Variants in DERL1 observed in about 807,000 individuals in gnomAD.
DERL1 encodes the protein derlin 1.
DERL1 carries 24 observed loss-of-function variants against 41.6 expected under a neutral mutation model. The observed-to-expected ratio is 0.58, with a 90% CI of 0.42 to 0.81. The LOEUF is 0.81. DERL1 is among the 30% of genes least tolerant of loss of function. The pLI is 0.00. For synonymous variants in DERL1, 124 were observed against 112.5 expected (o/e 1.10, Z -0.65); for missense variants, 260 against 314.3 (o/e 0.83, Z 1.31).
At chr8:123,022,813 C>A in intron 4 of DERL1, 34 bp from the exon 5 acceptor site, 1 of 1,587,952 alleles carries the variant, frequency 6.3e-7, no homozygotes, top group Non-Finnish European at 8.6e-7. Context: ...AAACCAGGCT[C>A]CAGAGGCACT....
chr8:123,030,160 G>A (rs538813560), intron 2 of DERL1: 2 of 153,558 alleles, frequency 1.3e-5, no homozygotes, highest in South Asian at 4.1e-4. Context: ...TTTTAGAGTT[G>A]AGTTTTTCAA....
At chr8:123,041,674 C>T (rs76168261) in intron 1 of DERL1, among the ~76,000 whole-genome samples, 2,623 of 152,334 alleles carry the variant, frequency 0.017, 69 homozygotes, top group African/African-American at 0.06. Context: ...TGACAACTAC[C>T]AACGACTAAT....
intron 1 of DERL1, among the ~76,000 whole-genome samples, chr8:123,035,706 G>C (rs1586469931): frequency 6.6e-6 from 1 of 152,208 alleles, no homozygotes; most frequent in East Asian, 1.9e-4. Context: ...TAGCCCATGT[G>C]CTCACTGCTA....
chr8:123,022,535 C>G (rs1812584744), intron 5 of DERL1, 149 bp downstream of exon 5: 1 of 671,896 alleles, frequency 1.5e-6, no homozygotes. Context: ...TTAAATAGAG[C>G]TGGGATTGAG....
rs369452020 is a variant in DERL1 at position 123,042,017 on chromosome 8, G to C, written c.106C>G (p.Pro36Ala). 6.2e-6 allele frequency: 10 copies of C among 1,613,970 alleles called. No homozygotes were observed. Among genetic ancestry groups the C allele is most frequent in the Admixed American group, 1.7e-5 (1 of 60,020 alleles). Residue 36 changes from proline (P) to alanine (A), a missense_variant, in exon 1 of 8, where the codon CCG becomes GCG. Transcript: ENST00000259512. ...PLVGKLGLIS[P>A]AYLFLWPEAF... ...TCGGGCCAGAGGAAGAGGTAGGCCGGGCTGATGAGGCCGAGTTTGCCGACC... is the reference window on the plus strand; with the variant it reads ...TCGGGCCAGAGGAAGAGGTAGGCCGCGCTGATGAGGCCGAGTTTGCCGACC...
At chr8:123,040,550 G>GA (rs1012738267) in intron 1 of DERL1, among the ~76,000 whole-genome samples, 2 of 152,136 alleles carry the variant, frequency 1.3e-5, no homozygotes, top group African/African-American at 4.8e-5. Flanking sequence ...GAAAGGACTT[G>GA]GATTTTACTC....
Position 123,015,539 on chromosome 8 carries a change from C to A in DERL1, c.664G>T (p.Val222Leu), listed in dbSNP as rs1198249688. 2 of 1,612,534 alleles carry A rather than the reference C, an allele frequency of 1.2e-6. No individual in the cohort carries two copies. Among genetic ancestry groups the A allele is most frequent in the Non-Finnish European group, 1.7e-6 (2 of 1,179,422 alleles). ...GCTCGCCTCATGCTAGCAGGGGGCA[C>A]ACCAAATCCTGATACTCCTCCTCTC... ...SRRGGVSGFG[V>L]PPASMRRAAD... The change falls in exon 8 of 8, where the codon GTG (valine) becomes TTG (leucine). Residue 222 changes from valine to leucine, a missense_variant. Coordinates refer to ENST00000259512, the MANE Select transcript of DERL1 (RefSeq NM_024295.6).
chr8:123,035,837 T>C (rs1044485100), intron 1 of DERL1, among the ~76,000 whole-genome samples: 7 of 152,206 alleles, frequency 4.6e-5, no homozygotes, highest in African/African-American at 1.4e-4. Context: ...CTGAAATAAT[T>C]TGCCATCCAG....
At chr8:123,023,683 G>A in intron 4 of DERL1, 30 bp downstream of exon 4, 1 of 1,596,152 alleles carries the variant, frequency 6.3e-7, no homozygotes, top group Non-Finnish European at 8.5e-7. Flanking sequence ...CAAATAAAAG[G>A]GCAAATAGAT....
At chr8:123,016,751 G>GA in intron 7 of DERL1, 1 of 152,208 alleles carries the variant, frequency 6.6e-6, no homozygotes, top group East Asian at 1.9e-4. Context: ...TCCTGCCTGG[G>GA]AAGGGACAGC....
chr8:123,040,977 A>G (rs1476781507), intron 1 of DERL1, among the ~76,000 whole-genome samples: 1 of 152,026 alleles, frequency 6.6e-6, no homozygotes, highest in Admixed American at 6.6e-5. Context: ...TGGACTGAAG[A>G]TATTTATATT....
intron 3 of DERL1, among the ~76,000 whole-genome samples, chr8:123,023,985 T>A (rs181516037): frequency 0.021 from 3,239 of 152,278 alleles, 44 homozygotes; most frequent in Non-Finnish European, 0.028. Context: ...ATTAAAAAAA[T>A]TTTTAAGTTA....
chr8:123,033,533 C>T (rs1026640611), intron 1 of DERL1, among the ~76,000 whole-genome samples: 2 of 152,120 alleles, frequency 1.3e-5, no homozygotes, highest in South Asian at 2.1e-4. Context: ...CACCTGAGGT[C>T]GGGAGTTCGA....
rs1814522559 is a variant in DERL1, at chr8:123,015,104, G to A, written c.*343C>T. ...AAGAGATAAGGGTCCTTTTGGGAAG[G>A]GTTTGGTGACCCAGCCCCAGCTCAA... On this transcript the variant is annotated 3_prime_UTR_variant, in exon 8 of 8. Coordinates refer to ENST00000259512, the MANE Select transcript of DERL1 (RefSeq NM_024295.6). 1 of 184,002 alleles carries A rather than the reference G, an allele frequency of 5.4e-6. No individual in the cohort carries two copies. The highest frequency in any genetic ancestry group is 2.3e-5 in the African/African-American group (1 of 42,732). The allele number at this position is 184,002 out of a possible 1,614,324, so 11.4% of individuals were successfully genotyped here. A position where few individuals can be genotyped will look rare whatever the true frequency, so the allele number is the denominator to read the frequency against.
intron 2 of DERL1, chr8:123,030,088 T>C (rs555955720): frequency 6.3e-4 from 96 of 152,120 alleles, no homozygotes; most frequent in African/African-American, 2.2e-3. Flanking sequence ...AAATAAAATA[T>C]TACATTGGTA....
In DERL1 at chr8:123,015,332, G is replaced by T; in HGVS notation, c.*115C>A. On this transcript the variant is annotated 3_prime_UTR_variant, in exon 8 of 8. Coordinates refer to ENST00000259512, the MANE Select transcript of DERL1 (RefSeq NM_024295.6). Reference sequence around the variant, plus strand: ...TAAGAAACTTTGTCTCGTACTGAAAGACTACATTCAGTGTGGGTCAGGTCC... The same window carrying T: ...TAAGAAACTTTGTCTCGTACTGAAATACTACATTCAGTGTGGGTCAGGTCC... 1 of 1,309,658 alleles carries T rather than the reference G, an allele frequency of 7.6e-7. No homozygotes were observed. The allele number at this position is 1,309,658 out of a possible 1,614,324, so 81.1% of individuals were successfully genotyped here.
intron 2 of DERL1, 67 bp downstream of exon 2, chr8:123,030,538 C>T (rs1812799166): frequency 8.3e-7 from 1 of 1,211,494 alleles, no homozygotes; most frequent in Non-Finnish European, 1.2e-6. Context: ...CCAAATTCCT[C>T]CAAAGTAAAC....
At chr8:123,038,449 T>C (rs959501428) in intron 1 of DERL1, among the ~76,000 whole-genome samples, 2 of 152,212 alleles carry the variant, frequency 1.3e-5, no homozygotes, top group Admixed American at 6.5e-5. Context: ...TTTTCACACC[T>C]GGGCAGTACA....
At chr8:123,039,177 T>C (rs1812993306) in intron 1 of DERL1, among the ~76,000 whole-genome samples, 1 of 152,072 alleles carries the variant, frequency 6.6e-6, no homozygotes, top group Admixed American at 6.5e-5. Context: ...AACCACCATC[T>C]CTCTGGCCTC....
Sources: allele counts gnomAD v4.1 joint callset (sites outside exome capture counted in the v4.1 genomes callset), GRCh38; gene constraint gnomAD v4.1.1; transcripts MANE v1.5; gene names NCBI Gene and HGNC (gene_info 2026-07-23, HGNC 2026-07-21).